Variants in ROBO2 observed in about 807,000 individuals in gnomAD.
ROBO2 encodes the protein roundabout homolog 2.
ROBO2 carries 53 observed loss-of-function variants against 160.8 expected under a neutral mutation model. That is an observed-to-expected ratio of 0.33 (90% confidence interval 0.26 to 0.41). The LOEUF (loss-of-function observed/expected upper bound fraction) is 0.41. Ranked by LOEUF, ROBO2 falls within the 10% of genes least tolerant of loss-of-function variation. ROBO2 has a pLI of 1.00. For missense variants in ROBO2, 1,577 were observed against 1,722.4 expected, an observed-to-expected ratio of 0.92 and a Z score of 1.49; for synonymous variants, 664 against 611.7, an observed-to-expected ratio of 1.09 and a Z score of -1.26.
At chr3:77,500,875 C>T (rs756261620) in intron 5 of ROBO2, among the ~76,000 whole-genome samples, 30 of 152,124 alleles carry the variant, frequency 2.0e-4, no homozygotes, top group Non-Finnish European at 1.5e-4. Context: ...AACTGGCATC[C>T]AATTTGGGTT....
chr3:77,416,437 G>T (rs1423446903), intron 2 of ROBO2, among the ~76,000 whole-genome samples: 1 of 152,044 alleles, frequency 6.6e-6, no homozygotes. Flanking sequence ...TATCTGCCGT[G>T]GCCTGGAGCA....
intron 2 of ROBO2, among the ~76,000 whole-genome samples, chr3:76,594,068 T>TA (rs1560203447): frequency 6.6e-6 from 1 of 152,050 alleles, no homozygotes; most frequent in East Asian, 1.9e-4. Flanking sequence ...AGCAGTATCA[T>TA]AGTTTAATTT....
chr3:76,905,690 TA>T (rs1398205176), intron 2 of ROBO2, among the ~76,000 whole-genome samples: 1 of 152,180 alleles, frequency 6.6e-6, no homozygotes, highest in African/African-American at 2.4e-5. Context: ...AACTCATATG[TA>T]AAAACCCAAA....
intron 2 of ROBO2, among the ~76,000 whole-genome samples, chr3:76,658,151 A>G (rs1474096298): frequency 6.6e-6 from 1 of 151,002 alleles, no homozygotes; most frequent in Non-Finnish European, 1.5e-5. Context: ...TTTAAAAGTT[A>G]TATATTATAG....
chr3:77,238,604 G>A (rs933776511), intron 2 of ROBO2, among the ~76,000 whole-genome samples: 4 of 152,012 alleles, frequency 2.6e-5, no homozygotes, highest in African/African-American at 7.2e-5. Flanking sequence ...CTAAATATTT[G>A]TTTTAATATA....
chr3:76,475,110 C>T (rs767598784), intron 2 of ROBO2, among the ~76,000 whole-genome samples: 3 of 145,700 alleles, frequency 2.1e-5, no homozygotes, highest in Non-Finnish European at 4.4e-5. Flanking sequence ...TAATATAGCA[C>T]GGGGGAAAAA....
intron 1 of ROBO2, among the ~76,000 whole-genome samples, chr3:77,089,565 A>G (rs921085563): frequency 6.6e-6 from 1 of 152,158 alleles, no homozygotes; most frequent in African/African-American, 2.4e-5. Context: ...CTAGGTCTCA[A>G]TTTTGATTTT....
intron 2 of ROBO2, among the ~76,000 whole-genome samples, chr3:77,290,253 CGG>C (rs200413242): frequency 7.9e-6 from 1 of 127,170 alleles, no homozygotes; most frequent in African/African-American, 3.2e-5. Flanking sequence ...GATGGTTAAA[CGG>C]GAAGTTGAGG....
At chr3:76,579,193 C>T (rs1251212439) in intron 2 of ROBO2, among the ~76,000 whole-genome samples, 3 of 152,058 alleles carry the variant, frequency 2.0e-5, no homozygotes, top group African/African-American at 7.2e-5. Context: ...ATCATATTAC[C>T]TTCCTGTGCA....
chr3:77,266,037 A>T (rs1560380118), intron 2 of ROBO2, among the ~76,000 whole-genome samples: 1 of 152,154 alleles, frequency 6.6e-6, no homozygotes, highest in African/African-American at 2.4e-5. Context: ...CAGAATCAGG[A>T]CATGTTCCAA....
At chr3:77,066,009 C>G (rs904952799) in intron 1 of ROBO2, among the ~76,000 whole-genome samples, 2 of 152,066 alleles carry the variant, frequency 1.3e-5, no homozygotes, top group African/African-American at 2.4e-5. Context: ...AAGGAAAATG[C>G]TTTTCTAGGT....
At chr3:76,082,698 C>A (rs1317848478) in intron 2 of ROBO2, among the ~76,000 whole-genome samples, 1 of 152,022 alleles carries the variant, frequency 6.6e-6, no homozygotes, top group East Asian at 1.9e-4. Context: ...TACTCTCTTT[C>A]CTTATTTCCT....
intron 2 of ROBO2, among the ~76,000 whole-genome samples, chr3:77,395,097 G>A (rs1213622017): frequency 2.0e-5 from 3 of 152,082 alleles, no homozygotes; most frequent in Non-Finnish European, 4.4e-5. Context: ...GAAGAGTTCA[G>A]AGCGTAATGC....
intron 2 of ROBO2, among the ~76,000 whole-genome samples, chr3:76,904,191 G>T (rs3884327): frequency 0.15 from 22,934 of 151,928 alleles, 2,063 homozygotes; most frequent in Admixed American, 0.23. Context: ...TAAATAATTT[G>T]CTGAAAAACA....
chr3:76,008,747 T>C (rs1335463668), intron 2 of ROBO2, among the ~76,000 whole-genome samples: 2 of 147,800 alleles, frequency 1.4e-5, no homozygotes, highest in Non-Finnish European at 3.0e-5. Context: ...TTTTTTTTTT[T>C]CTCATCCATC....
At chr3:76,418,998 A>AT (rs76777137) in intron 2 of ROBO2, among the ~76,000 whole-genome samples, 54,005 of 152,020 alleles carry the variant, frequency 0.36, 11,176 homozygotes, top group South Asian at 0.47. Flanking sequence ...TTGCAACCAC[A>AT]TTTTAATCAT....
chr3:77,284,969 G>T (rs1339794799), intron 2 of ROBO2, among the ~76,000 whole-genome samples: 1 of 152,132 alleles, frequency 6.6e-6, no homozygotes, highest in East Asian at 1.9e-4. Context: ...TAACGCTTTT[G>T]TGTCGAGTGT....
At chr3:77,209,381 A>G (rs555676103) in intron 2 of ROBO2, among the ~76,000 whole-genome samples, 17 of 152,334 alleles carry the variant, frequency 1.1e-4, no homozygotes, top group African/African-American at 3.6e-4. Context: ...GCAAAATTGC[A>G]TAACAGTATT....
Position 75,940,137 on chromosome 3 carries a change from G to C in ROBO2, c.109+2535G>C, listed in dbSNP as rs527437073. Among the ~76,000 whole-genome samples, 100 of 152,200 alleles carry C rather than the reference G, an allele frequency of 6.6e-4. 1 individual carries two copies. The highest frequency in any genetic ancestry group is 3.4e-3 in the Middle Eastern group (1 of 294). ...TTTATGAATAGACTATGTTCTAAAT[G>C]TTTAAGTCACTGGGGAGTCCCAATG... is the stretch of plus-strand genomic sequence containing the variant. On this transcript the variant is annotated intron_variant, in intron 2 of 26. Coordinates refer to the ROBO2 transcript ENST00000487694.
Sources: allele counts gnomAD v4.1 joint callset (sites outside exome capture counted in the v4.1 genomes callset), GRCh38; gene constraint gnomAD v4.1.1; transcripts MANE v1.5; gene names NCBI Gene and HGNC (gene_info 2026-07-23, HGNC 2026-07-21).